RAP1GAP: variants seen among roughly 807,000 people sequenced by gnomAD.
RAP1GAP encodes the protein RAP1 GTPase activating protein, also known as rap1 GTPase-activating protein 1.
A neutral mutation model predicts 87.2 loss-of-function variants in RAP1GAP; 35 were observed. That is an observed-to-expected ratio of 0.40 (90% confidence interval 0.31 to 0.53). RAP1GAP has a LOEUF of 0.53. RAP1GAP is among the 20% of genes least tolerant of loss of function. RAP1GAP has a pLI of 0.48. For synonymous variants in RAP1GAP, 375 were observed against 363.9 expected, an observed-to-expected ratio of 1.03 and a Z score of -0.35; for missense variants, 734 against 898.9, an observed-to-expected ratio of 0.82 and a Z score of 2.35.
Position 21,613,583 on chromosome 1 carries a change from A to C in RAP1GAP, c.474+45T>G. On this transcript the variant is annotated intron_variant, in intron 9 of 24. Transcript: ENST00000374765. This position sits in a 1 kb window ranked among gnomAD's most constrained non-coding sequence, Gnocchi z 4.7. The stretch of plus-strand genomic sequence containing the variant: ...GCAAGCTGAAGCCCCACAGGTGCCC[A>C]TCTGCGGAGCCAGCCCGGGAAGCTC... 2 of 1,543,784 alleles carry C rather than the reference A, an allele frequency of 1.3e-6. No individual in the cohort carries two copies. Among genetic ancestry groups the C allele is most frequent in the Non-Finnish European group, 1.8e-6 (2 of 1,116,418 alleles).
intron 2 of RAP1GAP, among the ~76,000 whole-genome samples, chr1:21,645,322 T>C (rs543492165): frequency 6.6e-6 from 1 of 152,024 alleles, no homozygotes; most frequent in African/African-American, 2.4e-5. Context: ...CTCTTAGAAG[T>C]GGCTGCCAGG....
intron 7 of RAP1GAP, 90 bp from the exon 8 acceptor site, chr1:21,614,179 G>T: frequency 1.2e-6 from 1 of 846,372 alleles, no homozygotes; most frequent in Non-Finnish European, 1.9e-6. Context: ...ACTCCCAGAT[G>T]CAGGTCCTTC....
chr1:21,623,336 C>T (rs2090043901), intron 3 of RAP1GAP, among the ~76,000 whole-genome samples: 1 of 152,260 alleles, frequency 6.6e-6, no homozygotes, highest in Non-Finnish European at 1.5e-5. Flanking sequence ...TCTGTAGGCC[C>T]TTCCAGCTGG....
chr1:21,602,912 G>C lies in RAP1GAP; in HGVS notation c.1430C>G (p.Ser477Ter). Residue 477 changes from serine (S) to a stop codon, truncating the protein, a stop_gained and splice_region_variant, in exon 19 of 25, where the codon TCA becomes TGA. Coordinates refer to ENST00000374765, the MANE Select transcript of RAP1GAP (RefSeq NM_002885.4). LOFTEE classifies it high-confidence loss of function. ...NPDLAKAAGI[S>*]LIVPGKSPTR... is the part of the protein sequence containing the mutation. Reference sequence around the variant, plus strand: ...GGGGCTCTTCCCAGGGACAATCAGTGACTGTGGGGAGAGGCCCCAACTCAG... The same window carrying C: ...GGGGCTCTTCCCAGGGACAATCAGTCACTGTGGGGAGAGGCCCCAACTCAG... 1 of 1,607,056 alleles carries C rather than the reference G, an allele frequency of 6.2e-7. No individual in the cohort carries two copies. Among genetic ancestry groups the C allele is most frequent in the Non-Finnish European group, 8.5e-7 (1 of 1,176,956 alleles).
intron 3 of RAP1GAP, 119 bp from the exon 4 acceptor site, chr1:21,620,169 G>A (rs2085915629): frequency 2.8e-6 from 3 of 1,055,370 alleles, no homozygotes; most frequent in Admixed American, 2.0e-5. Context: ...GCACCTGTCT[G>A]AGTAGCAAGC....
At chr1:21,641,546 C>A (rs1020052431) in intron 2 of RAP1GAP, among the ~76,000 whole-genome samples, 2 of 152,164 alleles carry the variant, frequency 1.3e-5, no homozygotes, top group Non-Finnish European at 2.9e-5. Flanking sequence ...GGATAACATG[C>A]GTGAAGCAAG....
intron 2 of RAP1GAP, among the ~76,000 whole-genome samples, chr1:21,643,449 T>A (rs7533609): frequency 6.7e-6 from 1 of 150,032 alleles, no homozygotes; most frequent in African/African-American, 2.5e-5. Context: ...TCCCAGCTAC[T>A]CAGGAGGCTG....
chr1:21,648,010 T>G (rs571382443), intron 2 of RAP1GAP, among the ~76,000 whole-genome samples: 10 of 152,218 alleles, frequency 6.6e-5, no homozygotes, highest in South Asian at 2.1e-4. Context: ...TCATGATTAA[T>G]GGTCAAAATG....
In RAP1GAP at chr1:21,610,291, C is replaced by A. The variant is rs570524998; in HGVS notation, c.844-16G>T. ...TCCGCTGCAACTGAGCACAAAGCCA[C>A]GGGCCTTCGTGGTCTGGCCAGAGGG... On this transcript the variant is annotated splice_polypyrimidine_tract_variant and intron_variant, in intron 13 of 24. Transcript: ENST00000374765. The A allele has an allele frequency of 6.2e-7, 1 of 1,613,584 alleles. No individual in the cohort carries two copies. The highest frequency in any genetic ancestry group is 1.3e-5 in the African/African-American group (1 of 74,916).
At chr1:21,641,602 A>T (rs914316656) in intron 2 of RAP1GAP, among the ~76,000 whole-genome samples, 1 of 152,230 alleles carries the variant, frequency 6.6e-6, no homozygotes, top group African/African-American at 2.4e-5. Context: ...TTCTTAGACT[A>T]GTACCTGGCA....
chr1:21,617,836 A>AG lies in RAP1GAP; in HGVS notation c.105+97dup, dbSNP rs973388979. On this transcript the variant is annotated intron_variant, in intron 6 of 24. Coordinates refer to ENST00000374765, the MANE Select transcript of RAP1GAP (RefSeq NM_002885.4). ...GTCTCCAGCCCGCAGCAAGGCCTGC[A>AG]GGTCAGGCTCCTAAGGAGGAGGACC... The AG allele has an allele frequency of 1.1e-4, 172 of 1,516,248 alleles. 1 individual carries two copies. In the African/African-American group the frequency reaches 2.3e-3, roughly 20 times the overall value. The allele number at this position is 1,516,248 out of a possible 1,614,324, so 93.9% of individuals were successfully genotyped here. A position where few individuals can be genotyped will look rare whatever the true frequency, so the allele number is the denominator to read the frequency against.
chr1:21,600,235 A>T (rs562306346), intron 20 of RAP1GAP, among the ~76,000 whole-genome samples: 112 of 152,324 alleles, frequency 7.4e-4, no homozygotes, highest in African/African-American at 2.5e-3. Context: ...TTAAAAAATC[A>T]GCCTAGGGCT....
At chr1:21,635,750 C>A (rs1451277061) in intron 2 of RAP1GAP, among the ~76,000 whole-genome samples, 1 of 152,228 alleles carries the variant, frequency 6.6e-6, no homozygotes. Flanking sequence ...CGGGGATAGA[C>A]AAGGTCACCA....
At chr1:21,624,035 C>T (rs570701221) in intron 3 of RAP1GAP, among the ~76,000 whole-genome samples, 2 of 152,322 alleles carry the variant, frequency 1.3e-5, no homozygotes, top group African/African-American at 4.8e-5. Context: ...GTATCTCATG[C>T]ATGTGCAAGT....
rs545670246 is a variant in RAP1GAP, at chr1:21,654,818, C to A, written c.-148-5022G>T. On this transcript the variant is annotated intron_variant, in intron 1 of 24. Coordinates refer to ENST00000374765, the MANE Select transcript of RAP1GAP (RefSeq NM_002885.4). The stretch of plus-strand genomic sequence containing the variant: ...CTGCACTCCAGCCTGGGTGACAGAG[C>A]AAGACCCTGTCTTAAAAAGAAAAGA... 3.8e-3 allele frequency among the ~76,000 whole-genome samples: 564 copies of A among 149,590 alleles called. 5 individuals carry two copies. The highest frequency in any genetic ancestry group is 4.3e-3 in the Non-Finnish European group (289 of 67,504).
intron 1 of RAP1GAP, chr1:21,651,633 G>T (rs774804770): frequency 1.2e-6 from 1 of 803,086 alleles, no homozygotes; most frequent in East Asian, 3.2e-5. Flanking sequence ...AGCCATGCGC[G>T]CACTGAGGTC....
chr1:21,621,109 G>T lies in RAP1GAP; in HGVS notation c.-18-1059C>A, dbSNP rs909744717. Among the ~76,000 whole-genome samples the T allele has an allele frequency of 3.3e-5, 5 of 152,276 alleles. No homozygotes were observed. The South Asian group carries it at 1.0e-3, about 32-fold the overall frequency. ...ACACATGCAGGTCCAAGTACCAGGA[G>T]AGATACACACACAAATGCAAACCCA... On this transcript the variant is annotated intron_variant, in intron 3 of 24. Coordinates refer to ENST00000374765, the MANE Select transcript of RAP1GAP (RefSeq NM_002885.4).
chr1:21,609,063 C>G lies in RAP1GAP; in HGVS notation c.1072-127G>C. 1 of 787,944 alleles carries G rather than the reference C, an allele frequency of 1.3e-6. No homozygotes were observed. Among genetic ancestry groups the G allele is most frequent in the Non-Finnish European group, 2.1e-6 (1 of 466,632 alleles). 48.8% of individuals were successfully genotyped at this position (787,944 alleles called of 1,614,324 possible). On this transcript the variant is annotated intron_variant, in intron 15 of 24. Coordinates refer to ENST00000374765, the MANE Select transcript of RAP1GAP (RefSeq NM_002885.4). The surrounding 1 kb of genome is among the most constrained non-coding windows in gnomAD (Gnocchi z 4.4). The stretch of plus-strand genomic sequence containing the variant: ...TGCTCTGCTGGGGCCTGGGGTCACC[C>G]TCTTCACTCCCAAAAGGGTATCTCC...
intron 1 of RAP1GAP, chr1:21,651,770 A>C (rs1382194615): frequency 2.1e-6 from 3 of 1,398,894 alleles, no homozygotes; most frequent in Non-Finnish European, 2.8e-6. Context: ...GCGCCGCGCC[A>C]CGCCCTACCC....
Sources: gnomAD v4.1 joint callset for allele counts (sites outside exome capture counted in the v4.1 genomes callset) on GRCh38, gnomAD v4.1.1 for gene constraint, Gnocchi (gnomAD v3.1) non-coding constraint, MANE v1.5 for transcripts, NCBI Gene and HGNC (gene_info 2026-07-23, HGNC 2026-07-21) for gene names.